Variants in PDE11A observed in about 807,000 individuals in gnomAD.
PDE11A encodes dual 3',5'-cyclic-AMP and -GMP phosphodiesterase 11A.
Under a neutral mutation model 100.5 loss-of-function variants are expected in PDE11A, and 100 were observed. The observed-to-expected ratio is 1.00, with a 90% CI of 0.85 to 1.18. The LOEUF (loss-of-function observed/expected upper bound fraction) is 1.18. Among genes scored for constraint, PDE11A ranks in the 50% most tolerant of loss-of-function variants. The pLI, the probability that PDE11A is intolerant of heterozygous loss-of-function variation, is 0.00. For missense variants in PDE11A, 1,141 were observed against 1,152.6 expected (o/e 0.99, Z 0.15); for synonymous variants, 381 against 420.8 (o/e 0.91, Z 1.16).
At chr2:177,825,734 A>G (rs898610200) in intron 6 of PDE11A, among the ~76,000 whole-genome samples, 5 of 152,190 alleles carry the variant, frequency 3.3e-5, no homozygotes, top group African/African-American at 1.2e-4. Flanking sequence ...AAATCAGTCA[A>G]TGGAGCTCAA....
intron 10 of PDE11A, among the ~76,000 whole-genome samples, chr2:177,734,145 C>T (rs980137397): frequency 1.3e-5 from 2 of 152,148 alleles, no homozygotes; most frequent in Admixed American, 6.5e-5. Context: ...TTATAAGCAA[C>T]CTGGACCTAT....
chr2:177,806,491 T>A (rs909767654), intron 9 of PDE11A, among the ~76,000 whole-genome samples: 2 of 152,194 alleles, frequency 1.3e-5, no homozygotes, highest in Non-Finnish European at 2.9e-5. Flanking sequence ...CTGACATTTT[T>A]AAAAAATCAC....
intron 9 of PDE11A, among the ~76,000 whole-genome samples, chr2:177,798,888 A>G (rs1423426972): frequency 1.3e-5 from 2 of 152,202 alleles, no homozygotes; most frequent in Non-Finnish European, 2.9e-5. Flanking sequence ...ACTTCCTTCT[A>G]AAGACTACAG....
In PDE11A at chr2:177,725,391, C is replaced by G. The variant is rs145919506; in HGVS notation, c.2043+2267G>C. 1.6e-4 allele frequency among the ~76,000 whole-genome samples: 25 copies of G among 152,196 alleles called. 1 individual carries two copies. The East Asian group carries it at 4.5e-3, about 27-fold the overall frequency. On this transcript the variant is annotated intron_variant, in intron 12 of 19. Coordinates refer to ENST00000286063, the MANE Select transcript of PDE11A (RefSeq NM_016953.4). The stretch of plus-strand genomic sequence containing the variant: ...AACAAAATTTAATGAGCAGAAAATA[C>G]TATCTTTTCCAGATGTGGCTACTCA...
chr2:178,030,492 A>G (rs2086531501), intron 1 of PDE11A, among the ~76,000 whole-genome samples: 1 of 152,170 alleles, frequency 6.6e-6, no homozygotes, highest in South Asian at 2.1e-4. Context: ...ATTTATTACA[A>G]ACTATTCCAA....
intron 1 of PDE11A, among the ~76,000 whole-genome samples, chr2:178,056,574 T>G (rs993096850): frequency 2.0e-5 from 3 of 152,162 alleles, no homozygotes; most frequent in African/African-American, 7.2e-5. Context: ...GCAAATAAAT[T>G]ACAACCAAGG....
intron 10 of PDE11A, among the ~76,000 whole-genome samples, chr2:177,733,566 A>T (rs1228445242): frequency 2.0e-5 from 3 of 152,228 alleles, no homozygotes; most frequent in Non-Finnish European, 4.4e-5. Flanking sequence ...TGATGCTCAG[A>T]AAATGGGAAG....
chr2:177,725,871 C>T (rs1043340271), intron 12 of PDE11A, among the ~76,000 whole-genome samples: 1 of 152,144 alleles, frequency 6.6e-6, no homozygotes, highest in South Asian at 2.1e-4. Context: ...CTTGACATTT[C>T]TAACTCAAAA....
At chr2:177,912,007 A>G (rs947571961) in intron 2 of PDE11A, among the ~76,000 whole-genome samples, 2 of 152,128 alleles carry the variant, frequency 1.3e-5, no homozygotes, top group African/African-American at 2.4e-5. Context: ...GACAAGGGAG[A>G]ACAAGAGGGC....
At chr2:177,707,892 G>C (rs4277559) in intron 13 of PDE11A, among the ~76,000 whole-genome samples, 148,143 of 152,196 alleles carry the variant, frequency 0.97, 72,217 homozygotes, top group East Asian at 1. Flanking sequence ...TGAAAGTACT[G>C]AAAAGGCTCT....
intron 1 of PDE11A, among the ~76,000 whole-genome samples, chr2:178,039,169 T>C (rs1559050817): frequency 6.6e-6 from 1 of 152,120 alleles, no homozygotes; most frequent in Non-Finnish European, 1.5e-5. Context: ...CAATGACACA[T>C]TGGATATACA....
At chr2:178,056,812 T>C (rs2086904548) in intron 1 of PDE11A, among the ~76,000 whole-genome samples, 1 of 151,992 alleles carries the variant, frequency 6.6e-6, no homozygotes, top group Non-Finnish European at 1.5e-5. Flanking sequence ...AGTTTGATAG[T>C]AAGGTAAGTA....
intron 16 of PDE11A, chr2:177,677,890 A>G (rs886542074): frequency 6.6e-6 from 1 of 152,206 alleles, no homozygotes; most frequent in East Asian, 1.9e-4. Flanking sequence ...CCTCTCCTCT[A>G]TATGCCAAAA....
chr2:177,930,637 G>A (rs2085192868), intron 2 of PDE11A, among the ~76,000 whole-genome samples: 1 of 152,218 alleles, frequency 6.6e-6, no homozygotes, highest in Admixed American at 6.5e-5. Flanking sequence ...GAGTAGAAAG[G>A]ATAAGAAATC....
At chr2:178,087,257 G>A (rs2087368851) in intron 2 of PDE11A, among the ~76,000 whole-genome samples, 1 of 151,840 alleles carries the variant, frequency 6.6e-6, no homozygotes. Context: ...GGAGGCTGAG[G>A]CAGGAGAATT....
chr2:177,719,200 C>A (rs1013344444), intron 12 of PDE11A, among the ~76,000 whole-genome samples: 4 of 152,138 alleles, frequency 2.6e-5, no homozygotes, highest in Non-Finnish European at 5.9e-5. Context: ...AGAAATTCTG[C>A]TCTCACCTTT....
intron 5 of PDE11A, among the ~76,000 whole-genome samples, chr2:177,840,756 T>C (rs1016665778): frequency 3.3e-5 from 5 of 152,176 alleles, no homozygotes; most frequent in Non-Finnish European, 7.4e-5. Context: ...ACTAGATGTT[T>C]TGGCACAAGG....
intron 9 of PDE11A, among the ~76,000 whole-genome samples, chr2:177,791,056 T>A (rs565880465): frequency 3.9e-5 from 6 of 152,270 alleles, no homozygotes; most frequent in Admixed American, 1.3e-4. Context: ...CCAAGGACTA[T>A]AAATCATGGT....
At position 177,708,228 on chromosome 2, in the gene PDE11A, T is replaced by G. The variant is rs371195899; in HGVS notation, c.2153+3541A>C. 3.9e-3 allele frequency among the ~76,000 whole-genome samples: 243 copies of G among 62,052 alleles called. 2 individuals are homozygous for G. Among genetic ancestry groups the G allele is most frequent in the African/African-American group, 0.012 (222 of 18,438 alleles). The allele number at this position is 62,052 out of a possible 152,430, so 40.7% of individuals were successfully genotyped here. On this transcript the variant is annotated intron_variant, in intron 13 of 19. Coordinates refer to ENST00000286063, the MANE Select transcript of PDE11A (RefSeq NM_016953.4). ...AAAGACATGGAATCCTAAATGCCCA[T>G]CAATGACATTTGATTGAATTTTAAA...
Sources: gnomAD v4.1 joint callset for allele counts (sites outside exome capture counted in the v4.1 genomes callset) on GRCh38, gnomAD v4.1.1 for gene constraint, MANE v1.5 for transcripts, NCBI Gene and HGNC (gene_info 2026-07-23, HGNC 2026-07-21) for gene names.